The following CCDC30 variants were observed in gnomAD, a reference collection of about 807,000 sequenced individuals.
CCDC30 encodes the protein coiled-coil domain containing 30, also known as coiled-coil domain-containing protein 30.
In CCDC30, 70 loss-of-function variants were observed where a neutral mutation model predicts 100.2. That is an observed-to-expected ratio of 0.70 (90% CI 0.58 to 0.85). The LOEUF is 0.85. CCDC30 is among the 40% of genes least tolerant of loss of function. The probability of loss-of-function intolerance (pLI) is 0.00; values close to 1 mark genes in which losing one functional copy is unlikely to be tolerated. For synonymous variants in CCDC30, 233 were observed against 269.5 expected (o/e 0.86, Z 1.33); for missense variants, 652 against 771.2 (o/e 0.85, Z 1.83).
chr1:42,613,318 G>C (rs75761558), intron 11 of CCDC30, among the ~76,000 whole-genome samples: 1 of 152,066 alleles, frequency 6.6e-6, no homozygotes, highest in Admixed American at 6.5e-5. Context: ...GCAGTGGCAC[G>C]ATCTCGGCTC....
chr1:42,581,139 C>T (rs911386202), intron 8 of CCDC30, among the ~76,000 whole-genome samples: 2 of 152,158 alleles, frequency 1.3e-5, no homozygotes, highest in African/African-American at 2.4e-5. Flanking sequence ...GCATGTCTGG[C>T]CTGTAGCTTC....
intron 14 of CCDC30, 29 bp from the exon 19 acceptor site, chr1:42,646,106 A>C (rs993768049): frequency 1.9e-6 from 3 of 1,541,952 alleles, no homozygotes; most frequent in Non-Finnish European, 2.6e-6. Flanking sequence ...TATTGAAATA[A>C]ATAACTCCAA....
At position 42,581,742 on chromosome 1, in the gene CCDC30, A is replaced by G. The variant is rs139904508; in HGVS notation, c.1001+228A>G. Reference sequence around the variant, plus strand: ...GAGTGTGAGATTTTTAAAGGCAGAGATTATTTCTTCTGGTTCTGGGGCACA... The same window carrying G: ...GAGTGTGAGATTTTTAAAGGCAGAGGTTATTTCTTCTGGTTCTGGGGCACA... On this transcript the variant is annotated intron_variant, in intron 9 of 16. Coordinates refer to ENST00000668663, the Ensembl canonical transcript of CCDC30. 0.016 allele frequency among the ~76,000 whole-genome samples: 2,438 copies of G among 152,228 alleles called. 41 individuals are homozygous for G. The highest frequency in any genetic ancestry group is 0.023 in the Non-Finnish European group (1,554 of 68,002).
intron 10 of CCDC30, among the ~76,000 whole-genome samples, chr1:42,609,090 A>C (rs1434395516): frequency 6.6e-6 from 1 of 152,142 alleles, no homozygotes; most frequent in Non-Finnish European, 1.5e-5. Context: ...AGTTATACTG[A>C]GTGTCCCTGC....
At chr1:42,567,766 A>C (rs1191194172) in intron 7 of CCDC30, among the ~76,000 whole-genome samples, 1 of 152,158 alleles carries the variant, frequency 6.6e-6, no homozygotes, top group Non-Finnish European at 1.5e-5. Context: ...ACAATACTAC[A>C]TATTTCTTAA....
chr1:42,580,947 CAAAT>C (rs1224303099), intron 8 of CCDC30: 1 of 444,536 alleles, frequency 2.2e-6, no homozygotes, highest in South Asian at 1.6e-5. Flanking sequence ...ATCAAACAAA[CAAAT>C]ACTCAGCTTC....
At chr1:42,566,576 A>G in intron 7 of CCDC30, 101 bp downstream of exon 11, 3 of 953,368 alleles carry the variant, frequency 3.1e-6, no homozygotes, top group African/African-American at 3.3e-5. Flanking sequence ...AGGATCCACA[A>G]ATATGTGGAC....
intron 11 of CCDC30, among the ~76,000 whole-genome samples, chr1:42,636,090 A>T (rs779208564): frequency 6.6e-6 from 1 of 152,128 alleles, no homozygotes; most frequent in Non-Finnish European, 1.5e-5. Context: ...TGTATCTAAG[A>T]ATCAGAGTCT....
chr1:42,549,008 G>A (rs994827335), intron 6 of CCDC30, among the ~76,000 whole-genome samples: 1 of 152,110 alleles, frequency 6.6e-6, no homozygotes, highest in African/African-American at 2.4e-5. Flanking sequence ...TAGTTCTTTT[G>A]TCATAGAGTA....
intron 6 of CCDC30, among the ~76,000 whole-genome samples, chr1:42,538,284 C>T (rs759268485): frequency 8.6e-5 from 13 of 150,296 alleles, no homozygotes; most frequent in Non-Finnish European, 4.4e-5. Flanking sequence ...GAGCTGTGAT[C>T]GCACCACTGC....
intron 7 of CCDC30, among the ~76,000 whole-genome samples, chr1:42,575,322 C>A (rs2148580970): frequency 6.6e-6 from 1 of 152,176 alleles, no homozygotes; most frequent in Non-Finnish European, 1.5e-5. Context: ...CTCTCTGGTT[C>A]TTTGATAGGC....
At chr1:42,505,019 G>A (rs2148484290) in intron 6 of CCDC30, among the ~76,000 whole-genome samples, 2 of 152,316 alleles carry the variant, frequency 1.3e-5, no homozygotes, top group South Asian at 4.1e-4. Context: ...AAATACTACA[G>A]CAGTGGAAAC....
intron 7 of CCDC30, among the ~76,000 whole-genome samples, chr1:42,567,951 AG>A (rs201409195): frequency 0.018 from 2,736 of 152,006 alleles, 64 homozygotes; most frequent in African/African-American, 0.056. Flanking sequence ...TTAAAAAAAA[AG>A]AGAGAGAGAA....
chr1:42,529,069 A>C (rs1479084369), intron 6 of CCDC30, among the ~76,000 whole-genome samples: 1 of 152,166 alleles, frequency 6.6e-6, no homozygotes, highest in Non-Finnish European at 1.5e-5. Flanking sequence ...CTTTATATTG[A>C]CTCTAATAAT....
At chr1:42,633,169 C>T (rs1647073822) in intron 11 of CCDC30, among the ~76,000 whole-genome samples, 1 of 152,052 alleles carries the variant, frequency 6.6e-6, no homozygotes. Flanking sequence ...AGTGAGGGAG[C>T]TAGTCAAAAA....
Position 42,536,561 on chromosome 1 carries a change from G to C in CCDC30, c.457-29735G>C, listed in dbSNP as rs376402623. 1.2e-6 allele frequency: 2 copies of C among 1,613,546 alleles called. No individual in the cohort carries two copies. Among genetic ancestry groups the C allele is most frequent in the East Asian group, 4.5e-5 (2 of 44,858 alleles). On this transcript the variant is annotated intron_variant, in intron 6 of 16. Coordinates refer to ENST00000668663, the Ensembl canonical transcript of CCDC30. ...GAGAGAGAGAAGCAGTTGGCATCTG[G>C]TCTTGACACTGCAGAGAAGGCCTTG...
chr1:42,533,395 T>C (rs1644837868), intron 6 of CCDC30, among the ~76,000 whole-genome samples: 1 of 152,136 alleles, frequency 6.6e-6, no homozygotes, highest in Admixed American at 6.5e-5. Context: ...ATTAGGTTGG[T>C]TGAAGAGAAA....
chr1:42,504,418 C>T (rs1467639827), intron 6 of CCDC30, among the ~76,000 whole-genome samples: 4 of 152,194 alleles, frequency 2.6e-5, no homozygotes, highest in Non-Finnish European at 5.9e-5. Flanking sequence ...TCACTACTTT[C>T]TGCAGAAAAG....
At chr1:42,566,371 C>A (rs1645606442) in exon 7 of CCDC30, 2 of 1,613,786 alleles carry the variant, frequency 1.2e-6, no homozygotes, top group African/African-American at 2.7e-5. Flanking sequence ...TTTGCACCGG[C>A]TCCAGATTCT....
Sources: gnomAD v4.1 joint callset for allele counts (sites outside exome capture counted in the v4.1 genomes callset) on GRCh38, gnomAD v4.1.1 for gene constraint, MANE v1.5 for transcripts, NCBI Gene and HGNC (gene_info 2026-07-23, HGNC 2026-07-21) for gene names.